Variants in C8orf34 observed in about 807,000 individuals in gnomAD.
C8orf34 encodes the protein chromosome 8 open reading frame 34.
In C8orf34, 65 loss-of-function variants were observed where a neutral mutation model predicts 68.3. The ratio of observed to expected loss-of-function variants is 0.95; its 90% CI spans 0.78 to 1.17. The LOEUF is 1.17. Among genes scored for constraint, C8orf34 ranks in the 50% most tolerant of loss-of-function variants. C8orf34 has a pLI of 0.00. For missense variants in C8orf34, 664 were observed against 655.4 expected (o/e 1.01, Z -0.14); for synonymous variants, 244 against 241.2 (o/e 1.01, Z -0.11).
chr8:68,374,043 A>G (rs1380500324), intron 1 of C8orf34, among the ~76,000 whole-genome samples: 1 of 152,156 alleles, frequency 6.6e-6, no homozygotes, highest in Admixed American at 6.5e-5. Flanking sequence ...AGCCTGTTGA[A>G]TAGCTAGTAC....
rs150973328 is a variant in C8orf34, at chr8:68,355,046, G to T, written c.327+23707G>T. On this transcript the variant is annotated intron_variant, in intron 1 of 13. Coordinates refer to ENST00000518698, the MANE Select transcript of C8orf34 (RefSeq NM_052958.4). ...AGCATCTTAATATTTATTCTTTTAAGATCTAGAGAAAAATAACCCCCATCC... is the reference window on the plus strand; with the variant it reads ...AGCATCTTAATATTTATTCTTTTAATATCTAGAGAAAAATAACCCCCATCC... 2.0e-3 allele frequency among the ~76,000 whole-genome samples: 302 copies of T among 152,030 alleles called. 1 individual carries two copies. The highest frequency in any genetic ancestry group is 7.0e-3 in the African/African-American group (292 of 41,508).
At chr8:68,654,155 T>C (rs1266253129) in intron 8 of C8orf34, among the ~76,000 whole-genome samples, 1 of 152,130 alleles carries the variant, frequency 6.6e-6, no homozygotes, top group Non-Finnish European at 1.5e-5. Context: ...TAAGGAAGCA[T>C]GCTTGCCCAC....
intron 1 of C8orf34, among the ~76,000 whole-genome samples, chr8:68,423,473 G>A (rs1381686464): frequency 1.3e-5 from 2 of 152,070 alleles, no homozygotes; most frequent in Admixed American, 6.6e-5. Context: ...TCAGCATTTT[G>A]GTCAAAGCCA....
At chr8:68,423,434 C>G (rs189181774) in intron 1 of C8orf34, among the ~76,000 whole-genome samples, 1 of 152,302 alleles carries the variant, frequency 6.6e-6, no homozygotes. Flanking sequence ...GAGACCATCT[C>G]AGCCTGGACT....
At chr8:68,543,388 ATTACC>A (rs1815763300) in intron 7 of C8orf34, among the ~76,000 whole-genome samples, 1 of 152,170 alleles carries the variant, frequency 6.6e-6, no homozygotes, top group Admixed American at 6.6e-5. Flanking sequence ...ATAAATAAAT[ATTACC>A]TTGGAATAAT....
At chr8:68,454,950 AT>A (rs199713676) in intron 3 of C8orf34, among the ~76,000 whole-genome samples, 7 of 150,398 alleles carry the variant, frequency 4.7e-5, no homozygotes, top group East Asian at 3.9e-4. Context: ...TTGTTTTCAT[AT>A]TTTTTTTTGT....
intron 12 of C8orf34, among the ~76,000 whole-genome samples, chr8:68,803,018 A>G (rs940943967): frequency 6.6e-6 from 1 of 152,076 alleles, no homozygotes; most frequent in Admixed American, 6.6e-5. Flanking sequence ...TTAATAATTT[A>G]AAAACCTCAT....
intron 7 of C8orf34, among the ~76,000 whole-genome samples, chr8:68,638,638 A>AT (rs1032674407): frequency 1.1e-4 from 16 of 150,928 alleles, no homozygotes; most frequent in Admixed American, 8.6e-4. Flanking sequence ...AAAGTCATGT[A>AT]TTTTTTTTTA....
At chr8:68,404,736 A>C (rs1211634671) in intron 1 of C8orf34, among the ~76,000 whole-genome samples, 1 of 152,098 alleles carries the variant, frequency 6.6e-6, no homozygotes, top group South Asian at 2.1e-4. Context: ...TGGTCTAGAA[A>C]TCTGTTTTGG....
intron 8 of C8orf34, among the ~76,000 whole-genome samples, chr8:68,677,308 A>C (rs1016136618): frequency 5.3e-5 from 8 of 152,186 alleles, no homozygotes; most frequent in African/African-American, 1.9e-4. Context: ...AGCTATAAGC[A>C]CCTACATCAA....
intron 8 of C8orf34, among the ~76,000 whole-genome samples, chr8:68,676,401 T>A (rs189145654): frequency 6.6e-6 from 1 of 151,998 alleles, no homozygotes; most frequent in African/African-American, 2.4e-5. Flanking sequence ...TAGAGCTAAA[T>A]AAAGGGATAG....
chr8:68,471,925 A>AAC (rs10596354), intron 4 of C8orf34, among the ~76,000 whole-genome samples: 6,146 of 147,372 alleles, frequency 0.042, 253 homozygotes, highest in African/African-American at 0.11. Context: ...GACTTAAATG[A>AAC]ACACACACAC....
chr8:68,622,666 T>G (rs922647040), intron 7 of C8orf34, among the ~76,000 whole-genome samples: 2 of 152,124 alleles, frequency 1.3e-5, no homozygotes, highest in Non-Finnish European at 2.9e-5. Flanking sequence ...GTCATGGTAT[T>G]TAGTGGCTGC....
chr8:68,702,331 T>C (rs1821042356), intron 8 of C8orf34, among the ~76,000 whole-genome samples: 1 of 152,142 alleles, frequency 6.6e-6, no homozygotes, highest in African/African-American at 2.4e-5. Flanking sequence ...ATGTTTTTAG[T>C]AGTGCATTTA....
At chr8:68,414,215 C>A (rs1437592385) in intron 1 of C8orf34, among the ~76,000 whole-genome samples, 1 of 152,130 alleles carries the variant, frequency 6.6e-6, no homozygotes, top group Non-Finnish European at 1.5e-5. Flanking sequence ...ATAGTGCTTT[C>A]CAGAATATGT....
chr8:68,727,032 A>G (rs1821850485), intron 10 of C8orf34, among the ~76,000 whole-genome samples: 2 of 152,148 alleles, frequency 1.3e-5, no homozygotes, highest in South Asian at 4.2e-4. Flanking sequence ...AACTAATTTC[A>G]GCAATAATCT....
At position 68,389,645 on chromosome 8, in the gene C8orf34, G is replaced by T. The variant is rs1427364668; in HGVS notation, c.328-49854G>T. ...GCATGGGTGACTATCTTTTCAAATT[G>T]TTGCTTAGGAACTCAGAATTTATTA... On this transcript the variant is annotated intron_variant, in intron 1 of 13. Transcript: ENST00000518698. 2.0e-5 allele frequency among the ~76,000 whole-genome samples: 3 copies of T among 152,046 alleles called. No individual in the cohort carries two copies. The East Asian group carries it at 5.8e-4, about 29-fold the overall frequency.
chr8:68,604,525 T>G (rs993478242), intron 7 of C8orf34, among the ~76,000 whole-genome samples: 2 of 152,120 alleles, frequency 1.3e-5, no homozygotes, highest in Admixed American at 6.6e-5. Flanking sequence ...GACAACAATT[T>G]TCATGTGCTT....
At chr8:68,512,492 C>T (rs765020908) in intron 5 of C8orf34, among the ~76,000 whole-genome samples, 21 of 151,998 alleles carry the variant, frequency 1.4e-4, no homozygotes, top group Non-Finnish European at 2.5e-4. Flanking sequence ...CAAATATGTT[C>T]GAGATTTAAA....
Sources: allele counts gnomAD v4.1 joint callset (sites outside exome capture counted in the v4.1 genomes callset), GRCh38; gene constraint gnomAD v4.1.1; transcripts MANE v1.5; gene names NCBI Gene and HGNC (gene_info 2026-07-23, HGNC 2026-07-21).